Variants in ACAT1 observed in about 807,000 individuals in gnomAD.
The protein encoded by ACAT1 is acetyl-CoA acetyltransferase, mitochondrial.
A neutral mutation model predicts 47.3 loss-of-function variants in ACAT1; 28 were observed. The observed-to-expected ratio is 0.59, with a 90% CI of 0.44 to 0.81. The LOEUF (loss-of-function observed/expected upper bound fraction) is 0.81, where lower values mean the gene tolerates loss of function less well. Among genes scored for constraint, ACAT1 ranks in the 30% least tolerant of loss-of-function variants. ACAT1 has a pLI of 0.00. For missense variants in ACAT1, 469 were observed against 524.3 expected (o/e 0.89, Z 1.03); for synonymous variants, 181 against 173.6 (o/e 1.04, Z -0.34).
chr11:108,143,777 C>T (rs189486061), intron 9 of ACAT1: 2 of 286,386 alleles, frequency 7.0e-6, no homozygotes, highest in South Asian at 8.0e-5. Context: ...GCAAATACCC[C>T]CAAACTCCCC....
rs1368765642 is a variant in ACAT1, at chr11:108,133,830, TAGTA to T, written c.135_138del (p.Ser46LeufsTer10). On this transcript the variant is annotated frameshift_variant, in exon 3 of 12. Transcript: ENST00000265838. LOFTEE classifies it high-confidence loss of function. ...CTTGTGTCTTGCCAGGAAGTGGTCA[TAGTA>T]AGTGCTACAAGAACACCCATTGGAT... is the stretch of plus-strand genomic sequence containing the variant. 3 of 1,613,944 alleles carry T rather than the reference TAGTA, an allele frequency of 1.9e-6. No homozygotes were observed.
intron 5 of ACAT1, chr11:108,136,011 G>A (rs935500347): frequency 3.6e-6 from 2 of 556,886 alleles, no homozygotes; most frequent in South Asian, 2.4e-5. Flanking sequence ...TAGTCATTAA[G>A]TTAAGTTCTA....
In ACAT1 at chr11:108,140,056, T is replaced by A. The variant is rs1165417028; in HGVS notation, c.580-9T>A. The A allele has an allele frequency of 1.9e-6, 3 of 1,612,470 alleles. No individual in the cohort carries two copies. The highest frequency in any genetic ancestry group is 1.1e-5 in the South Asian group (1 of 90,892). On this transcript the variant is annotated splice_polypyrimidine_tract_variant and intron_variant, in intron 6 of 11. Coordinates refer to ENST00000265838, the MANE Select transcript of ACAT1 (RefSeq NM_000019.4). The stretch of plus-strand genomic sequence containing the variant: ...AAGTTAACTTTAAAATATTTCAACT[T>A]TTTATCAGGGCAGCTGTGCTGAGAA...
At chr11:108,130,854 A>G (rs1368825324) in intron 1 of ACAT1, among the ~76,000 whole-genome samples, 1 of 152,126 alleles carries the variant, frequency 6.6e-6, no homozygotes, top group Non-Finnish European at 1.5e-5. Context: ...GGTTCAAGCA[A>G]TTCTTCTGCC....
chr11:108,136,103 T>C, intron 5 of ACAT1: 1 of 705,698 alleles, frequency 1.4e-6, no homozygotes, highest in South Asian at 1.5e-5. Context: ...AGCAAAAATA[T>C]GCTGTCATGT....
chr11:108,145,723 A>G (rs1249713538), intron 10 of ACAT1, among the ~76,000 whole-genome samples: 1 of 151,932 alleles, frequency 6.6e-6, no homozygotes, highest in Non-Finnish European at 1.5e-5. Context: ...AAATTCTTTG[A>G]TATAATGGAA....
intron 3 of ACAT1, 116 bp from the exon 4 acceptor site, chr11:108,134,105 A>G (rs1222734778): frequency 1.7e-6 from 2 of 1,211,428 alleles, no homozygotes; most frequent in East Asian, 2.4e-5. Flanking sequence ...TTGAAACTCA[A>G]AACTGACAAA....
intron 7 of ACAT1, 79 bp downstream of exon 7, chr11:108,140,294 A>G: frequency 5.2e-6 from 8 of 1,550,606 alleles, no homozygotes; most frequent in Non-Finnish European, 7.1e-6. Flanking sequence ...AAATTAGGAC[A>G]TTATCTTGGT....
chr11:108,144,237 A>T lies in ACAT1; in HGVS notation c.1005+190A>T. The T allele has an allele frequency of 4.8e-6, 3 of 628,934 alleles. No individual in the cohort carries two copies. The South Asian group carries it at 5.8e-5, about 12-fold the overall frequency. 39.0% of individuals were successfully genotyped at this position (628,934 alleles called of 1,614,324 possible). On this transcript the variant is annotated intron_variant, in intron 10 of 11. Coordinates refer to ENST00000265838, the MANE Select transcript of ACAT1 (RefSeq NM_000019.4). ...AACAAACAAAAAAAAAAAAATAAAG[A>T]ACAGCTCACAAACTACATCTTCAGT... is the stretch of plus-strand genomic sequence containing the variant.
intron 1 of ACAT1, among the ~76,000 whole-genome samples, chr11:108,122,230 C>T (rs1465209880): frequency 1.3e-5 from 2 of 152,258 alleles, no homozygotes; most frequent in Non-Finnish European, 2.9e-5. Context: ...ATAAATTATA[C>T]TTGACATATG....
intron 8 of ACAT1, 79 bp downstream of exon 8, chr11:108,141,779 T>C (rs2077592178): frequency 6.5e-6 from 4 of 614,458 alleles, no homozygotes; most frequent in Non-Finnish European, 1.0e-5. Context: ...CTAAGGATTT[T>C]GAAAAATTCT....
chr11:108,123,294 T>C (rs2077185338), intron 1 of ACAT1, among the ~76,000 whole-genome samples: 1 of 152,196 alleles, frequency 6.6e-6, no homozygotes, highest in Non-Finnish European at 1.5e-5. Flanking sequence ...AATAAGCCTG[T>C]ACATGCTGTA....
At chr11:108,143,834 T>C (rs180846467) in intron 9 of ACAT1, 149 bp from the exon 10 acceptor site, 30 of 546,242 alleles carry the variant, frequency 5.5e-5, no homozygotes, top group African/African-American at 5.5e-4. Context: ...TTTTATAAAG[T>C]GTAGAATCCT....
Position 108,124,816 on chromosome 11 carries a change from G to A in ACAT1, c.72+3138G>A, listed in dbSNP as rs114152023. Among the ~76,000 whole-genome samples the A allele has an allele frequency of 2.6e-3, 399 of 152,198 alleles. 2 individuals are homozygous for A. Among genetic ancestry groups the A allele is most frequent in the African/African-American group, 9.3e-3 (387 of 41,514 alleles). ...TGTGTGCCAATTTTGTTCCGAATTCGTGGCCTTAGTCCTACGTGTTCCTGA... is the reference window on the plus strand; with the variant it reads ...TGTGTGCCAATTTTGTTCCGAATTCATGGCCTTAGTCCTACGTGTTCCTGA... On this transcript the variant is annotated intron_variant, in intron 1 of 11. Coordinates refer to ENST00000265838, the MANE Select transcript of ACAT1 (RefSeq NM_000019.4).
intron 1 of ACAT1, among the ~76,000 whole-genome samples, chr11:108,126,940 G>A (rs887753087): frequency 4.6e-5 from 7 of 151,716 alleles, no homozygotes; most frequent in Admixed American, 6.6e-5. Context: ...TTACAGGCGC[G>A]TGCCACCATG....
chr11:108,138,155 A>AT (rs113554854), intron 5 of ACAT1, among the ~76,000 whole-genome samples: 151,278 of 151,298 alleles, frequency 1, 75,629 homozygotes, highest in Middle Eastern at 1. Flanking sequence ...AACCCGGCTA[A>AT]TTTTTGTATT....
In ACAT1 at chr11:108,141,716, T is replaced by A; in HGVS notation, c.826+16T>A. 1 of 1,589,228 alleles carries A rather than the reference T, an allele frequency of 6.3e-7. No individual in the cohort carries two copies. The highest frequency in any genetic ancestry group is 1.3e-5 in the African/African-American group (1 of 74,490). On this transcript the variant is annotated intron_variant, in intron 8 of 11. Coordinates refer to ENST00000265838, the MANE Select transcript of ACAT1 (RefSeq NM_000019.4). ...AAAGAAAATGGTTAGTGTTAAGAAA[T>A]GAAGCATAAGAAAAAATTGAGCCAG...
chr11:108,120,153 T>A (rs1453927292), upstream of ACAT1, among the ~76,000 whole-genome samples: 2 of 151,326 alleles, frequency 1.3e-5, no homozygotes, highest in African/African-American at 4.9e-5. Context: ...TTGCAGTGAG[T>A]CAAGATCGCG....
Position 108,141,591 on chromosome 11 carries a change from T to C in ACAT1, c.731-14T>C. 2 of 1,601,342 alleles carry C rather than the reference T, an allele frequency of 1.2e-6. No individual in the cohort carries two copies. The highest frequency in any genetic ancestry group is 8.5e-7 in the Non-Finnish European group (1 of 1,170,376). On this transcript the variant is annotated splice_polypyrimidine_tract_variant and intron_variant, in intron 7 of 11. Coordinates refer to ENST00000265838, the MANE Select transcript of ACAT1 (RefSeq NM_000019.4). Reference sequence around the variant, plus strand: ...TTGTTTTGAGCGATTTTACTTAAAATATTTTTATTTTAGGTCAACCAGATG... The same window carrying C: ...TTGTTTTGAGCGATTTTACTTAAAACATTTTTATTTTAGGTCAACCAGATG...
Sources: gnomAD v4.1 joint callset for allele counts (sites outside exome capture counted in the v4.1 genomes callset) on GRCh38, gnomAD v4.1.1 for gene constraint, MANE v1.5 for transcripts, NCBI Gene and HGNC (gene_info 2026-07-23, HGNC 2026-07-21) for gene names.